Variants in RFX2 observed in about 807,000 individuals in gnomAD.
RFX2 encodes DNA-binding protein RFX2.
A neutral mutation model predicts 87.8 loss-of-function variants in RFX2; 20 were observed. That is an observed-to-expected ratio of 0.23 (90% confidence interval 0.16 to 0.33). The LOEUF is 0.33. Among genes scored for constraint, RFX2 ranks in the 10% least tolerant of loss-of-function variants. The pLI is 1.00. For synonymous variants in RFX2, 397 were observed against 431.3 expected, an observed-to-expected ratio of 0.92 and a Z score of 0.98; for missense variants, 767 against 1,012.3, an observed-to-expected ratio of 0.76 and a Z score of 3.29.
chr19:6,015,595 C>T (rs2086715010), intron 7 of RFX2, among the ~76,000 whole-genome samples: 1 of 151,974 alleles, frequency 6.6e-6, no homozygotes, highest in East Asian at 2.0e-4. Context: ...CTCAAGTGCT[C>T]CTCCCCTCTC....
At chr19:6,105,462 GAGGTATT>G (rs1365771505) in intron 1 of RFX2, among the ~76,000 whole-genome samples, 1 of 152,208 alleles carries the variant, frequency 6.6e-6, no homozygotes, top group East Asian at 1.9e-4. Context: ...TGAGGTCAAA[GAGGTATT>G]AGGCTTGGCG....
rs760538419 is a variant in RFX2, at chr19:6,020,368, G to C, written c.598-4097C>G. 1.1e-4 allele frequency: 17 copies of C among 151,732 alleles called. No homozygotes were observed. The highest frequency in any genetic ancestry group is 4.2e-4 in the African/African-American group (17 of 40,960). The allele number at this position is 151,732 out of a possible 1,614,324, so 9.4% of individuals were successfully genotyped here. A position where few individuals can be genotyped will look rare whatever the true frequency, so the allele number is the denominator to read the frequency against. On this transcript the variant is annotated intron_variant, in intron 6 of 17. Transcript: ENST00000303657. The surrounding 1 kb of genome is among the most constrained non-coding windows in gnomAD (Gnocchi z 5.3). ...GGATGCATAGTTGTCTTGACAGCAA[G>C]TCCTTCTTGCTCAACATCAAGAAAC...
At position 5,994,697 on chromosome 19, in the gene RFX2, C is replaced by T. The variant is rs1443996120; in HGVS notation, c.*138G>A. 1.1e-5 allele frequency: 7 copies of T among 628,022 alleles called. No individual in the cohort carries two copies. Among genetic ancestry groups the T allele is most frequent in the Non-Finnish European group, 2.0e-5 (7 of 355,936 alleles). The allele number at this position is 628,022 out of a possible 1,614,324, so 38.9% of individuals were successfully genotyped here. ...ACTGCTTTCCTTCTTGAACACTGAC[C>T]CCGGGAGCCCCCGCTTGAGTCAAAG... On this transcript the variant is annotated 3_prime_UTR_variant, in exon 18 of 18. Coordinates refer to ENST00000303657, the MANE Select transcript of RFX2 (RefSeq NM_000635.4).
In RFX2 at chr19:6,061,071, G is replaced by A. The variant is rs193174280; in HGVS notation, c.-8-13567C>T. Among the ~76,000 whole-genome samples, 4 of 152,210 alleles carry A rather than the reference G, an allele frequency of 2.6e-5. No homozygotes were observed. The highest frequency in any genetic ancestry group is 3.9e-4 in the East Asian group (2 of 5,172). On this transcript the variant is annotated intron_variant, in intron 1 of 17. Coordinates refer to ENST00000303657, the MANE Select transcript of RFX2 (RefSeq NM_000635.4). This position sits in a 1 kb window ranked among gnomAD's most constrained non-coding sequence, Gnocchi z 5.2. ...GGCACTGGGCATCTCCCTGCGCCCC[G>A]GGACACGTGTCGCTGGTGACTCAGC...
intron 16 of RFX2, 59 bp from the exon 17 acceptor site, chr19:5,995,702 G>A (rs1361120990): frequency 2.0e-6 from 3 of 1,478,494 alleles, no homozygotes; most frequent in Non-Finnish European, 2.8e-6. Context: ...GCTGTTTGGG[G>A]GCTCGGGGGA....
chr19:5,996,432 C>T (rs1226582506), intron 16 of RFX2, among the ~76,000 whole-genome samples: 1 of 152,380 alleles, frequency 6.6e-6, no homozygotes, highest in Non-Finnish European at 1.5e-5. Context: ...ATGTCATGTT[C>T]CGTGACAGAC....
rs1046262461 is a variant in RFX2 at position 6,101,947 on chromosome 19, C to A, written c.-9+8446G>T. Among the ~76,000 whole-genome samples, 2 of 152,216 alleles carry A rather than the reference C, an allele frequency of 1.3e-5. No homozygotes were observed. The highest frequency in any genetic ancestry group is 1.3e-4 in the Admixed American group (2 of 15,284). On this transcript the variant is annotated intron_variant, in intron 1 of 17. Coordinates refer to ENST00000303657, the MANE Select transcript of RFX2 (RefSeq NM_000635.4). The surrounding 1 kb of genome is among the most constrained non-coding windows in gnomAD (Gnocchi z 4.9). ...TGGCATATCCATGCAATGGAATATT[C>A]TTTAGCCTTAAAAAGGAAGGAAATT...
Position 6,045,664 on chromosome 19 carries a change from TTG to T in RFX2, c.91-1384_91-1383del, listed in dbSNP as rs1203138021. On this transcript the variant is annotated intron_variant, in intron 2 of 17. Coordinates refer to ENST00000303657, the MANE Select transcript of RFX2 (RefSeq NM_000635.4). This position sits in a 1 kb window ranked among gnomAD's most constrained non-coding sequence, Gnocchi z 5.2. ...TTTGTTTTTGCGGAATTGTGTTTTT[TTG>T]TTTTTGTTTTTTTGTGTTTTTTGGG... Among the ~76,000 whole-genome samples, 1 of 151,536 alleles carries T rather than the reference TTG, an allele frequency of 6.6e-6. No individual in the cohort carries two copies. Among genetic ancestry groups the T allele is most frequent in the African/African-American group, 2.4e-5 (1 of 40,832 alleles).
chr19:6,013,592 G>A lies in RFX2; in HGVS notation c.780-487C>T, dbSNP rs534644376. 2.0e-5 allele frequency among the ~76,000 whole-genome samples: 3 copies of A among 151,046 alleles called. No homozygotes were observed. The highest frequency in any genetic ancestry group is 2.0e-4 in the East Asian group (1 of 5,070). On this transcript the variant is annotated intron_variant, in intron 7 of 17. Transcript: ENST00000303657. The surrounding 1 kb of genome is among the most constrained non-coding windows in gnomAD (Gnocchi z 4.1). ...ACTATCAGGAGGTCACTACCAGGAG[G>A]TCACTATCACTTGACCTCCTGGGAT...
chr19:6,104,758 A>C (rs1270098697), intron 1 of RFX2, among the ~76,000 whole-genome samples: 13 of 152,090 alleles, frequency 8.5e-5, no homozygotes, highest in Admixed American at 8.5e-4. Flanking sequence ...GTGTCAAGGA[A>C]ACCATTTGTT....
rs1033276254 is a variant in RFX2, at chr19:6,052,580, A to T, written c.-8-5076T>A. On this transcript the variant is annotated intron_variant, in intron 1 of 17. Coordinates refer to ENST00000303657, the MANE Select transcript of RFX2 (RefSeq NM_000635.4). ...TGACATTTAGAGAACACTACAATCA[A>T]AACCTGCACATTCTTTTCAAATGCA... 3.9e-5 allele frequency among the ~76,000 whole-genome samples: 6 copies of T among 152,198 alleles called. No homozygotes were observed. In the South Asian group the frequency reaches 6.2e-4, roughly 16 times the overall value.
rs679368 is a variant in RFX2, at chr19:6,021,418, G to A, written c.597+4745C>T. Among the ~76,000 whole-genome samples, 2,380 of 152,292 alleles carry A rather than the reference G, an allele frequency of 0.016. 50 individuals carry two copies. Among genetic ancestry groups the A allele is most frequent in the African/African-American group, 0.054 (2,235 of 41,548 alleles). On this transcript the variant is annotated intron_variant, in intron 6 of 17. Transcript: ENST00000303657. This position sits in a 1 kb window ranked among gnomAD's most constrained non-coding sequence, Gnocchi z 5.7. ...AATGAACCGAATGAGGGCTGATGCCGAGTGCCGTCAGAGAAATTCACCTGG... is the reference window on the plus strand; with the variant it reads ...AATGAACCGAATGAGGGCTGATGCCAAGTGCCGTCAGAGAAATTCACCTGG...
rs2087176602 is a variant in RFX2, at chr19:6,045,651, GA to G, written c.91-1370del. On this transcript the variant is annotated intron_variant, in intron 2 of 17. Coordinates refer to ENST00000303657, the MANE Select transcript of RFX2 (RefSeq NM_000635.4). This position sits in a 1 kb window ranked among gnomAD's most constrained non-coding sequence, Gnocchi z 5.2. ...CACTGTCTGCCTTTTTGTTTTTGCG[GA>G]ATTGTGTTTTTTTGTTTTTGTTTTT... Among the ~76,000 whole-genome samples the G allele has an allele frequency of 6.6e-6, 1 of 151,778 alleles. No homozygotes were observed. Among genetic ancestry groups the G allele is most frequent in the Non-Finnish European group, 1.5e-5 (1 of 68,006 alleles).
At chr19:6,035,722 C>T (rs1390879024) in intron 5 of RFX2, among the ~76,000 whole-genome samples, 7 of 152,090 alleles carry the variant, frequency 4.6e-5, no homozygotes, top group Non-Finnish European at 7.3e-5. Context: ...TGGAAAGTCT[C>T]GAATTTCTGT....
At chr19:6,015,316 C>T (rs2086710061) in intron 7 of RFX2, among the ~76,000 whole-genome samples, 1 of 151,782 alleles carries the variant, frequency 6.6e-6, no homozygotes, top group Admixed American at 6.6e-5. Flanking sequence ...TAAATCCCAG[C>T]TACTTGGGAG....
intron 1 of RFX2, among the ~76,000 whole-genome samples, chr19:6,080,908 C>A (rs565555841): frequency 6.6e-6 from 1 of 151,886 alleles, no homozygotes; most frequent in Admixed American, 6.6e-5. Flanking sequence ...TGGTGATGCA[C>A]GCCTGTAGTC....
At chr19:6,006,681 C>A (rs1320359618) in intron 12 of RFX2, among the ~76,000 whole-genome samples, 3 of 152,018 alleles carry the variant, frequency 2.0e-5, no homozygotes, top group South Asian at 4.2e-4. Flanking sequence ...AACTCCTGAC[C>A]TCAAATGATC....
rs144426671 is a variant in RFX2 at position 6,006,293 on chromosome 19, T to TG, written c.1402+718dup. 4.4e-3 allele frequency among the ~76,000 whole-genome samples: 670 copies of TG among 152,134 alleles called. 6 individuals carry two copies. In the East Asian group the frequency reaches 0.072, roughly 16 times the overall value. On this transcript the variant is annotated intron_variant, in intron 12 of 17. Coordinates refer to ENST00000303657, the MANE Select transcript of RFX2 (RefSeq NM_000635.4). The stretch of plus-strand genomic sequence containing the variant: ...CTCCTGCCTCAGCCTCCTGGGTCGC[T>TG]GGACTGCAGGCATGCAACACCACAC...
chr19:6,001,991 C>G lies in RFX2; in HGVS notation c.1683G>C (p.Glu561Asp). 1 of 1,611,236 alleles carries G rather than the reference C, an allele frequency of 6.2e-7. No homozygotes were observed. The change falls in exon 15 of 18, where the codon GAG (glutamate) becomes GAC (aspartate). Residue 561 changes from glutamate to aspartate, a missense_variant. Coordinates refer to ENST00000303657, the MANE Select transcript of RFX2 (RefSeq NM_000635.4). This position sits in a 1 kb window ranked among gnomAD's most constrained non-coding sequence, Gnocchi z 5.6. The stretch of plus-strand genomic sequence containing the variant: ...CCTGCTCCAGCCGCTGCACCACACT[C>G]TCCTCGCACTGGCACACCCACGAGG... The part of the protein sequence containing the change: ...EQASWVCQCE[E>D]SVVQRLEQDF...
Sources: gnomAD v4.1 joint callset for allele counts (sites outside exome capture counted in the v4.1 genomes callset) on GRCh38, gnomAD v4.1.1 for gene constraint, Gnocchi (gnomAD v3.1) non-coding constraint, MANE v1.5 for transcripts, NCBI Gene and HGNC (gene_info 2026-07-23, HGNC 2026-07-21) for gene names.